Variants in FRMPD4 observed in about 807,000 individuals in gnomAD.
FRMPD4 encodes FERM and PDZ domain containing 4, also known as FERM and PDZ domain-containing protein 4.
Under a neutral mutation model 94.1 loss-of-function variants are expected in FRMPD4, and 22 were observed. That is an observed-to-expected ratio of 0.23 (90% confidence interval 0.17 to 0.33). The LOEUF (loss-of-function observed/expected upper bound fraction) is 0.33, where lower values mean the gene tolerates loss of function less well. Among genes scored for constraint, FRMPD4 ranks in the 10% least tolerant of loss-of-function variants. The pLI, the probability that FRMPD4 is intolerant of heterozygous loss-of-function variation, is 1.00. For missense variants in FRMPD4, 1,111 were observed against 1,339.9 expected, an observed-to-expected ratio of 0.83 and a Z score of 2.67; for synonymous variants, 631 against 548.6, an observed-to-expected ratio of 1.15 and a Z score of -2.10.
Position 12,498,883 on chromosome X carries a change from A to AG in FRMPD4, c.158+89dup, listed in dbSNP as rs2057884991. 3 of 469,290 alleles carry AG rather than the reference A, an allele frequency of 6.4e-6. No homozygotes were observed. In the East Asian group the frequency reaches 1.1e-4, roughly 17 times the overall value. The allele number at this position is 469,290 out of a possible 1,213,427, so 38.7% of individuals were successfully genotyped here. A position where few individuals can be genotyped will look rare whatever the true frequency, so the allele number is the denominator to read the frequency against. ...TTATGAGAATGAACATACTTAAATT[A>AG]GGCACTCATAGGCATTTGGAGGCCA... On this transcript the variant is annotated intron_variant, in intron 2 of 16. Transcript: ENST00000675598.
At chrX:12,172,449 G>T (rs2056239474) in intron 1 of FRMPD4, among the ~76,000 whole-genome samples, 1 of 111,448 alleles carries the variant, frequency 9.0e-6, no homozygotes, top group Non-Finnish European at 1.9e-5. Flanking sequence ...TTGCTCTCTT[G>T]TAAACTGCTT....
At chrX:12,108,358 C>T (rs1330464540) in intron 3 of FRMPD4, among the ~76,000 whole-genome samples, 1 of 111,770 alleles carries the variant, frequency 8.9e-6, no homozygotes, top group Non-Finnish European at 1.9e-5. Context: ...AAATCCTTTA[C>T]AGACAAGCAA....
intron 1 of FRMPD4, among the ~76,000 whole-genome samples, chrX:12,223,223 G>A (rs2056887960): frequency 9.0e-6 from 1 of 111,559 alleles, no homozygotes; most frequent in South Asian, 3.8e-4. Context: ...TAAACAGACT[G>A]GATAAAGAAA....
At chrX:12,015,478 T>C (rs2054600431) in intron 3 of FRMPD4, among the ~76,000 whole-genome samples, 1 of 112,186 alleles carries the variant, frequency 8.9e-6, no homozygotes, top group Admixed American at 9.4e-5. Context: ...TTACCAAAGC[T>C]TGTTATTGTA....
chrX:12,332,636 C>G (rs1336590975), intron 1 of FRMPD4, among the ~76,000 whole-genome samples: 1 of 111,029 alleles, frequency 9.0e-6, no homozygotes, highest in Non-Finnish European at 1.9e-5. Context: ...TGCTTTTCAC[C>G]CAAACTTGAA....
Position 12,151,627 on chromosome X carries a change from A to G in FRMPD4, c.41+12615A>G, listed in dbSNP as rs149824054. Among the ~76,000 whole-genome samples, 843 of 112,041 alleles carry G rather than the reference A, an allele frequency of 7.5e-3. 19 individuals are homozygous for G. Among genetic ancestry groups the G allele is most frequent in the Admixed American group, 0.068 (714 of 10,541 alleles). On this transcript the variant is annotated intron_variant, in intron 1 of 16. Coordinates refer to ENST00000675598, the MANE Select transcript of FRMPD4 (RefSeq NM_001368397.1). ...ATAAATGTTTGAAATTCTATCAGCAATGAGATCGTTAGCCTTCTATTTTCT... is the reference window on the plus strand; with the variant it reads ...ATAAATGTTTGAAATTCTATCAGCAGTGAGATCGTTAGCCTTCTATTTTCT...
chrX:12,544,283 T>C (rs775293507), intron 2 of FRMPD4, among the ~76,000 whole-genome samples: 49 of 111,193 alleles, frequency 4.4e-4, no homozygotes, highest in African/African-American at 1.6e-3. Flanking sequence ...ACAAAACTAG[T>C]TTTGTTTTAT....
At chrX:12,495,912 G>A (rs1288198280) in intron 1 of FRMPD4, among the ~76,000 whole-genome samples, 2 of 111,164 alleles carry the variant, frequency 1.8e-5, no homozygotes, top group African/African-American at 3.3e-5. Context: ...GGATTCCAAC[G>A]TGCAGTAAGG....
chrX:12,382,598 A>T (rs1249403998), intron 1 of FRMPD4, among the ~76,000 whole-genome samples: 1 of 104,099 alleles, frequency 9.6e-6, no homozygotes, highest in South Asian at 4.1e-4. Flanking sequence ...TTGTTTGCTG[A>T]AAAAAAGCAA....
chrX:11,888,594 A>G (rs1302712799), intron 3 of FRMPD4, among the ~76,000 whole-genome samples: 1 of 111,556 alleles, frequency 9.0e-6, no homozygotes, highest in Non-Finnish European at 1.9e-5. Flanking sequence ...TTACCCCCTC[A>G]TTTATCCAAG....
At chrX:12,688,369 C>T (rs766223423) in intron 7 of FRMPD4, among the ~76,000 whole-genome samples, 5 of 112,018 alleles carry the variant, frequency 4.5e-5, no homozygotes, top group East Asian at 2.8e-4. Flanking sequence ...CTCTTTATTA[C>T]GGAACATATG....
chrX:11,892,930 A>C (rs2053883205), intron 3 of FRMPD4, among the ~76,000 whole-genome samples: 1 of 112,238 alleles, frequency 8.9e-6, no homozygotes, highest in Admixed American at 9.4e-5. Context: ...AATTAAAAGA[A>C]AAAAATTCTT....
chrX:11,980,624 T>G (rs1271148738), intron 3 of FRMPD4, among the ~76,000 whole-genome samples: 1 of 111,649 alleles, frequency 9.0e-6, no homozygotes. Context: ...TTTTTACCTT[T>G]TCTACACTTT....
chrX:12,142,021 A>AT (rs756030539), intron 1 of FRMPD4, among the ~76,000 whole-genome samples: 1 of 111,810 alleles, frequency 8.9e-6, no homozygotes, highest in East Asian at 2.8e-4. Context: ...ATGATTTGAG[A>AT]TCCAAAACTC....
chrX:12,287,773 G>T (rs1015333207), intron 1 of FRMPD4, among the ~76,000 whole-genome samples: 1 of 111,843 alleles, frequency 8.9e-6, no homozygotes, highest in Admixed American at 9.4e-5. Context: ...AAGACTCAAA[G>T]GTAACATTTT....
intron 4 of FRMPD4, among the ~76,000 whole-genome samples, chrX:12,639,346 G>A (rs140861389): frequency 2.2e-3 from 249 of 112,122 alleles, no homozygotes; most frequent in African/African-American, 7.9e-3. Context: ...AATTAAACTT[G>A]AATTAATCCT....
chrX:12,440,051 C>G (rs1278422091), intron 1 of FRMPD4, among the ~76,000 whole-genome samples: 2 of 111,470 alleles, frequency 1.8e-5, no homozygotes, highest in African/African-American at 3.3e-5. Context: ...TTTTAAAAAT[C>G]TATAAAATGG....
At chrX:12,384,277 C>T (rs1033932624) in intron 1 of FRMPD4, among the ~76,000 whole-genome samples, 11 of 111,989 alleles carry the variant, frequency 9.8e-5, no homozygotes, top group African/African-American at 1.6e-4. Context: ...GCACTCTGGG[C>T]GGCCAAGGTG....
chrX:12,115,370 GT>G (rs1245835272), intron 3 of FRMPD4, among the ~76,000 whole-genome samples: 4 of 111,444 alleles, frequency 3.6e-5, no homozygotes, highest in Non-Finnish European at 1.9e-5. Context: ...TAGAGACAGG[GT>G]TTCTTCATGT....
Sources: gnomAD v4.1 joint callset for allele counts (sites outside exome capture counted in the v4.1 genomes callset) on GRCh38, gnomAD v4.1.1 for gene constraint, MANE v1.5 for transcripts, NCBI Gene and HGNC (gene_info 2026-07-23, HGNC 2026-07-21) for gene names.